Variants in GDF6 observed in about 807,000 individuals in gnomAD.
GDF6 encodes growth differentiation factor 6, also known as growth/differentiation factor 6.
In GDF6, 3 loss-of-function variants were observed where a neutral mutation model predicts 32.4. That is an observed-to-expected ratio of 0.09 (90% CI 0.04 to 0.24). The LOEUF (loss-of-function observed/expected upper bound fraction) is 0.24, where lower values mean the gene tolerates loss of function less well. Ranked by LOEUF, GDF6 falls within the 10% of genes least tolerant of loss-of-function variation. The pLI, the probability that GDF6 is intolerant of heterozygous loss-of-function variation, is 1.00. For synonymous variants in GDF6, 296 were observed against 295.3 expected (o/e 1.00, Z -0.03); for missense variants, 589 against 637.9 (o/e 0.92, Z 0.83).
At chr8:96,156,988 C>T (rs1812675842) in intron 1 of GDF6, among the ~76,000 whole-genome samples, 1 of 152,194 alleles carries the variant, frequency 6.6e-6, no homozygotes, top group African/African-American at 2.4e-5. Context: ...TGTGTGACCT[C>T]GAGCAACTTG....
At chr8:96,158,639 T>C (rs1812710974) in intron 1 of GDF6, among the ~76,000 whole-genome samples, 1 of 152,332 alleles carries the variant, frequency 6.6e-6, no homozygotes, top group African/African-American at 2.4e-5. Context: ...TTCTCTGAGC[T>C]TCCTTAGCCT....
chr8:96,147,675 G>A (rs1586120034), intron 1 of GDF6, among the ~76,000 whole-genome samples: 1 of 152,340 alleles, frequency 6.6e-6, no homozygotes, highest in South Asian at 2.1e-4. Context: ...GTGAGGCTAA[G>A]AGCCATACTT....
In GDF6 at chr8:96,142,364, A is replaced by G. The variant is rs1812386997; in HGVS notation, c.*2199T>C. 1 of 152,226 alleles carries G rather than the reference A, an allele frequency of 6.6e-6. No individual in the cohort carries two copies. Among genetic ancestry groups the G allele is most frequent in the South Asian group, 2.1e-4 (1 of 4,836 alleles). 9.4% of individuals were successfully genotyped at this position (152,226 alleles called of 1,614,324 possible). A position where few individuals can be genotyped will look rare whatever the true frequency, so the allele number is the denominator to read the frequency against. ...AGAAAAATGCGTTTAATAATATAGC[A>G]TTCGATTGCATATCATCCAGGAAAG... On this transcript the variant is annotated 3_prime_UTR_variant, in exon 2 of 2. Coordinates refer to ENST00000287020, the MANE Select transcript of GDF6 (RefSeq NM_001001557.4).
At chr8:96,148,495 C>T (rs920283502) in intron 1 of GDF6, among the ~76,000 whole-genome samples, 1 of 152,224 alleles carries the variant, frequency 6.6e-6, no homozygotes, top group Non-Finnish European at 1.5e-5. Context: ...ATCACATAGG[C>T]GCTTGCTAGA....
At chr8:96,157,094 G>T (rs2130231465) in intron 1 of GDF6, among the ~76,000 whole-genome samples, 1 of 152,292 alleles carries the variant, frequency 6.6e-6, no homozygotes, top group African/African-American at 2.4e-5. Context: ...GATAATTCAT[G>T]TAACCAATTT....
chr8:96,152,723 A>G (rs964018428), intron 1 of GDF6, among the ~76,000 whole-genome samples: 1 of 152,164 alleles, frequency 6.6e-6, no homozygotes, highest in South Asian at 2.1e-4. Context: ...TGGCTTCCCC[A>G]GTGCCCTCCC....
In GDF6 at chr8:96,145,793, C is replaced by T. The variant is rs575002230; in HGVS notation, c.407-269G>A. 3.3e-5 allele frequency among the ~76,000 whole-genome samples: 5 copies of T among 152,182 alleles called. No homozygotes were observed. The highest frequency in any genetic ancestry group is 7.4e-5 in the Non-Finnish European group (5 of 68,026). On this transcript the variant is annotated intron_variant, in intron 1 of 1. Coordinates refer to ENST00000287020, the MANE Select transcript of GDF6 (RefSeq NM_001001557.4). The surrounding 1 kb of genome is among the most constrained non-coding windows in gnomAD (Gnocchi z 5.6). ...GTGGCTGCTGGCGAGGCGGCGGCGG[C>T]GGCCTACCGGGTTTTCCCCCCAAAA... is the stretch of plus-strand genomic sequence containing the variant.
At position 96,160,721 on chromosome 8, in the gene GDF6, A is replaced by AGGCGGT; in HGVS notation, c.-35_-30dup. Reference sequence around the variant, plus strand: ...GGGCAAGTGGCTGCGTCTCCCCAGGAGGCGGTGGCGGCGGCGCAGGACGCG... The same window carrying AGGCGGT: ...GGGCAAGTGGCTGCGTCTCCCCAGGAGGCGGTGGCGGTGGCGGCGGCGCAGGACGCG... On this transcript the variant is annotated 5_prime_UTR_variant, in exon 1 of 2. Coordinates refer to ENST00000287020, the MANE Select transcript of GDF6 (RefSeq NM_001001557.4). 6.2e-7 allele frequency: 1 copy of AGGCGGT among 1,610,792 alleles called. No homozygotes were observed. Among genetic ancestry groups the AGGCGGT allele is most frequent in the Non-Finnish European group, 8.5e-7 (1 of 1,178,236 alleles).
At chr8:96,150,061 C>T (rs1196583466) in intron 1 of GDF6, among the ~76,000 whole-genome samples, 1 of 152,194 alleles carries the variant, frequency 6.6e-6, no homozygotes, top group Non-Finnish European at 1.5e-5. Flanking sequence ...TTGCATTTTC[C>T]CAAGACATCT....
intron 1 of GDF6, among the ~76,000 whole-genome samples, chr8:96,148,491 T>A (rs1462529576): frequency 1.3e-5 from 2 of 152,252 alleles, no homozygotes; most frequent in Non-Finnish European, 2.9e-5. Flanking sequence ...CAGCATCACA[T>A]AGGCGCTTGC....
At chr8:96,148,876 G>A (rs1261104318) in intron 1 of GDF6, among the ~76,000 whole-genome samples, 1 of 152,162 alleles carries the variant, frequency 6.6e-6, no homozygotes, top group Non-Finnish European at 1.5e-5. Flanking sequence ...CCAAGAAGGT[G>A]GCTCCTCTGT....
rs1417257706 is a variant in GDF6 at position 96,145,108 on chromosome 8, G to T, written c.823C>A (p.Arg275=). The T allele has an allele frequency of 6.6e-7, 1 of 1,516,526 alleles. No individual in the cohort carries two copies. Among genetic ancestry groups the T allele is most frequent in the Admixed American group, 2.0e-5 (1 of 50,152 alleles). The allele number at this position is 1,516,526 out of a possible 1,614,324, so 93.9% of individuals were successfully genotyped here. The part of the protein sequence containing the change: ...FGRRVRPPQE[R]ALLVVFTRSQ... ...CTGGTGAATACCACCAGCAGGGCCC[G>T]CTCCTGGGGAGGCCGCACCCTCCGG... Residue 275 remains arginine, a synonymous_variant, in exon 2 of 2, where the codon CGG becomes AGG. Coordinates refer to ENST00000287020, the MANE Select transcript of GDF6 (RefSeq NM_001001557.4). This position sits in a 1 kb window ranked among gnomAD's most constrained non-coding sequence, Gnocchi z 5.6.
intron 1 of GDF6, among the ~76,000 whole-genome samples, chr8:96,146,295 T>C: frequency 6.6e-6 from 1 of 151,804 alleles, no homozygotes; most frequent in East Asian, 1.9e-4. Context: ...ATTGAATCAC[T>C]GTCTAAGGAC....
rs747899927 is a variant in GDF6 at position 96,145,146 on chromosome 8, C to T, written c.785G>A (p.Ser262Asn). ...PQQPPPPDLR[S>N]LGFGRRVRPP... ...CCGCACCCTCCGGCCGAAGCCCAGA[C>T]TCCGCAGGTCCGGGGGCGGCGGTTG... The change falls in exon 2 of 2, where the codon AGT becomes AAT. Residue 262 changes from serine to asparagine, a missense_variant. Transcript: ENST00000287020. The surrounding 1 kb of genome is among the most constrained non-coding windows in gnomAD (Gnocchi z 5.6). 9.9e-6 allele frequency: 15 copies of T among 1,509,594 alleles called. No homozygotes were observed. The highest frequency in any genetic ancestry group is 1.3e-5 in the Non-Finnish European group (15 of 1,137,186). 93.5% of individuals were successfully genotyped at this position (1,509,594 alleles called of 1,614,324 possible). A position where few individuals can be genotyped will look rare whatever the true frequency, so the allele number is the denominator to read the frequency against.
chr8:96,153,435 G>A (rs949821148), intron 1 of GDF6, among the ~76,000 whole-genome samples: 1 of 152,164 alleles, frequency 6.6e-6, no homozygotes, highest in East Asian at 1.9e-4. Context: ...CTGTTCCCGC[G>A]CTGAGCCCTC....
Position 96,160,611 on chromosome 8 carries a change from T to C in GDF6, c.82A>G (p.Ile28Val), listed in dbSNP as rs760516509. Residue 28 changes from isoleucine to valine, a missense_variant, in exon 1 of 2, where the codon ATC becomes GTC. This residue lies in a region of GDF6 where 436 missense variants were observed against 411.2 expected (regional missense o/e 1.06). Coordinates refer to ENST00000287020, the MANE Select transcript of GDF6 (RefSeq NM_001001557.4). Reference sequence around the variant, plus strand: ...TCGGCGGACGACGAGGAGGATGAGATGGAAGCCTGCTGGAAACCGGGCAAA... The same window carrying C: ...TCGGCGGACGACGAGGAGGATGAGACGGAAGCCTGCTGGAAACCGGGCAAA... ...WDLPGFQQAS[I>V]SSSSSSAELG... The C allele has an allele frequency of 4.3e-6, 7 of 1,613,660 alleles. No individual in the cohort carries two copies. In the East Asian group the frequency reaches 6.7e-5, roughly 15 times the overall value.
intron 1 of GDF6, among the ~76,000 whole-genome samples, chr8:96,152,185 G>A (rs561554766): frequency 6.6e-6 from 1 of 152,342 alleles, no homozygotes; most frequent in African/African-American, 2.4e-5. Flanking sequence ...CTGAAGTCAA[G>A]TGAAAGTCAA....
rs886063199 is a variant in GDF6 at position 96,144,242 on chromosome 8, A to AAG, written c.*320_*321insCT. ...ACATAAGGAAATCCAAAGCCACAGT[A>AAG]ATAGAGAGAGAGAGAGAGAGAGAGA... is the stretch of plus-strand genomic sequence containing the variant. On this transcript the variant is annotated 3_prime_UTR_variant, in exon 2 of 2. Transcript: ENST00000287020. This position sits in a 1 kb window ranked among gnomAD's most constrained non-coding sequence, Gnocchi z 5.1. 3.3e-3 allele frequency: 625 copies of AAG among 190,044 alleles called. 12 individuals are homozygous for AAG. The highest frequency in any genetic ancestry group is 0.031 in the African/African-American group (538 of 17,442). 11.8% of individuals were successfully genotyped at this position (190,044 alleles called of 1,614,324 possible). A position where few individuals can be genotyped will look rare whatever the true frequency, so the allele number is the denominator to read the frequency against.
intron 1 of GDF6, 98 bp downstream of exon 1, chr8:96,160,189 G>T: frequency 8.4e-7 from 1 of 1,186,818 alleles, no homozygotes; most frequent in Non-Finnish European, 1.3e-6. Context: ...AGTGTCCAGA[G>T]CAGGAAGGGA....
Sources: gnomAD v4.1 joint callset for allele counts (sites outside exome capture counted in the v4.1 genomes callset) on GRCh38, gnomAD v4.1.1 for gene constraint, gnomAD v4.1.1 regional missense constraint, Gnocchi (gnomAD v3.1) non-coding constraint, MANE v1.5 for transcripts, NCBI Gene and HGNC (gene_info 2026-07-23, HGNC 2026-07-21) for gene names.